Variants in CPS1 observed in about 807,000 individuals in gnomAD.
The protein encoded by CPS1 is carbamoyl-phosphate synthase [ammonia], mitochondrial.
Under a neutral mutation model 174.6 loss-of-function variants are expected in CPS1, and 109 were observed. That is an observed-to-expected ratio of 0.62 (90% CI 0.53 to 0.73). CPS1 has a LOEUF of 0.73. CPS1 is among the 30% of genes least tolerant of loss of function. The pLI is 0.00. For missense variants in CPS1, 1,689 were observed against 1,821.9 expected, an observed-to-expected ratio of 0.93 and a Z score of 1.33; for synonymous variants, 637 against 632.0, an observed-to-expected ratio of 1.01 and a Z score of -0.12.
chr2:210,567,873 G>A (rs527932669), intron 1 of CPS1, among the ~76,000 whole-genome samples: 2 of 152,134 alleles, frequency 1.3e-5, no homozygotes, highest in Non-Finnish European at 2.9e-5. Context: ...ATGAAAATTA[G>A]TAAAATGACC....
intron 10 of CPS1, 111 bp from the exon 11 acceptor site, chr2:210,592,768 G>A (rs1269269366): frequency 2.9e-6 from 3 of 1,030,568 alleles, no homozygotes; most frequent in East Asian, 4.8e-5. Context: ...ATTTTGTTAA[G>A]CATCTAACTC....
At chr2:210,624,861 A>G (rs773629878) in intron 21 of CPS1, among the ~76,000 whole-genome samples, 12 of 152,028 alleles carry the variant, frequency 7.9e-5, no homozygotes, top group Admixed American at 5.2e-4. Flanking sequence ...ATGTTTCTGT[A>G]TATTAATTAT....
At chr2:210,639,096 GA>G in intron 22 of CPS1, 53 bp from the exon 23 acceptor site, 1 of 1,478,968 alleles carries the variant, frequency 6.8e-7, no homozygotes. Flanking sequence ...ATTTAGTCTT[GA>G]AAAAATTATA....
intron 21 of CPS1, 45 bp downstream of exon 21, chr2:210,616,586 A>G (rs755819416): frequency 9.0e-7 from 1 of 1,114,318 alleles, no homozygotes; most frequent in Non-Finnish European, 1.4e-6. Context: ...CTTCAGTGCA[A>G]TTTTTAAAGA....
intron 20 of CPS1, among the ~76,000 whole-genome samples, chr2:210,616,157 C>T (rs374500338): frequency 4.0e-5 from 6 of 151,860 alleles, no homozygotes; most frequent in Admixed American, 2.0e-4. Context: ...TAAAGAGGAG[C>T]GAGTCAAAAC....
chr2:210,514,993 C>T (rs895513385), intron 1 of CPS1, among the ~76,000 whole-genome samples: 9 of 150,838 alleles, frequency 6.0e-5, no homozygotes, highest in East Asian at 2.0e-4. Flanking sequence ...TGTGGTAAAT[C>T]GAATTTATTG....
intron 1 of CPS1, chr2:210,519,645 C>T (rs887362908): frequency 3.7e-6 from 2 of 534,516 alleles, no homozygotes; most frequent in Non-Finnish European, 4.8e-6. Context: ...ACTTGAATTC[C>T]CAGCCTCGCT....
intron 33 of CPS1, among the ~76,000 whole-genome samples, chr2:210,665,813 T>C (rs1185209143): frequency 1.4e-5 from 2 of 147,298 alleles, no homozygotes; most frequent in Non-Finnish European, 3.0e-5. Context: ...TATAGCAGCA[T>C]GATTTATAGT....
chr2:210,506,153 C>T (rs1277785634), intron 1 of CPS1, among the ~76,000 whole-genome samples: 6 of 152,126 alleles, frequency 3.9e-5, no homozygotes, highest in Admixed American at 6.5e-5. Flanking sequence ...CAGACTGACA[C>T]CTCACATGGC....
intron 13 of CPS1, among the ~76,000 whole-genome samples, chr2:210,596,375 G>A (rs1258769052): frequency 6.6e-6 from 1 of 151,904 alleles, no homozygotes; most frequent in African/African-American, 2.4e-5. Context: ...ATTCACCAGA[G>A]ACCAGGCTAG....
intron 16 of CPS1, among the ~76,000 whole-genome samples, chr2:210,603,512 G>T (rs919918253): frequency 1.3e-5 from 2 of 151,786 alleles, no homozygotes; most frequent in Non-Finnish European, 2.9e-5. Context: ...TGTTTTTGAA[G>T]ATAGAAAGTT....
In CPS1 at chr2:210,600,566, T is replaced by G; in HGVS notation, c.1561T>G (p.Phe521Val). Residue 521 changes from phenylalanine to valine, a missense_variant, in exon 15 of 38, where the codon TTC becomes GTC. Coordinates refer to ENST00000233072, the MANE Select transcript of CPS1 (RefSeq NM_001875.5). Reference protein sequence around the residue: ...QTALNCGVELFKRGVLKEYGV... With the variant: ...QTALNCGVELVKRGVLKEYGV... ...TGGTTCTTCTTTAGGAGTGGAACTA[T>G]TCAAGAGAGGTGTGCTCAAGGAATA... 6.2e-7 allele frequency: 1 copy of G among 1,612,078 alleles called. No individual in the cohort carries two copies. Among genetic ancestry groups the G allele is most frequent in the East Asian group, 2.2e-5 (1 of 44,750 alleles).
intron 1 of CPS1, among the ~76,000 whole-genome samples, chr2:210,558,304 T>C (rs1696984878): frequency 6.6e-6 from 1 of 152,054 alleles, no homozygotes. Context: ...AGTTACATAA[T>C]GGCCATAAAG....
intron 33 of CPS1, 96 bp from the exon 34 acceptor site, chr2:210,668,090 G>A: frequency 2.7e-6 from 2 of 750,180 alleles, no homozygotes; most frequent in Non-Finnish European, 4.7e-6. Context: ...GTGTGTGTGT[G>A]TGTGTGTGTG....
chr2:210,500,828 G>A lies in CPS1; in HGVS notation c.3+23062G>A, dbSNP rs373270815. On this transcript the variant is annotated intron_variant, in intron 1 of 38. Coordinates refer to the CPS1 transcript ENST00000430249. ...TCTTCTCACAGCTCCACTAGGCAGT[G>A]CCCCAGTGGGGACTTTGTGTGGGGG... Among the ~76,000 whole-genome samples the A allele has an allele frequency of 3.9e-5, 6 of 152,310 alleles. No homozygotes were observed. In the South Asian group the frequency reaches 8.3e-4, roughly 21 times the overall value.
At chr2:210,537,044 C>A (rs1337668383) in intron 1 of CPS1, among the ~76,000 whole-genome samples, 2 of 152,144 alleles carry the variant, frequency 1.3e-5, no homozygotes, top group Non-Finnish European at 2.9e-5. Flanking sequence ...CCATTCACTT[C>A]CTTAATGATA....
At chr2:210,633,256 A>G (rs1402067634) in intron 21 of CPS1, among the ~76,000 whole-genome samples, 1 of 151,968 alleles carries the variant, frequency 6.6e-6, no homozygotes, top group Non-Finnish European at 1.5e-5. Flanking sequence ...AGTCTTAGTG[A>G]CAGATGGCTT....
intron 16 of CPS1, among the ~76,000 whole-genome samples, chr2:210,603,749 G>T (rs1330727309): frequency 6.6e-6 from 1 of 151,298 alleles, no homozygotes; most frequent in Non-Finnish European, 1.5e-5. Context: ...TCCCTTAAAT[G>T]GTTTTTCTTG....
intron 4 of CPS1, 40 bp from the exon 5 acceptor site, chr2:210,579,674 C>A (rs1169825144): frequency 1.3e-6 from 2 of 1,501,286 alleles, no homozygotes; most frequent in Admixed American, 1.7e-5. Flanking sequence ...TGGATTTAAT[C>A]TCCTCCAATT....
Sources: gnomAD v4.1 joint callset for allele counts (sites outside exome capture counted in the v4.1 genomes callset) on GRCh38, gnomAD v4.1.1 for gene constraint, MANE v1.5 for transcripts, NCBI Gene and HGNC (gene_info 2026-07-23, HGNC 2026-07-21) for gene names.